Variants in DQX1 observed in about 807,000 individuals in gnomAD.
DQX1 encodes the protein ATP-dependent RNA helicase homolog DQX1.
A neutral mutation model predicts 81.3 loss-of-function variants in DQX1; 66 were observed. The ratio of observed to expected loss-of-function variants is 0.81; its 90% CI spans 0.67 to 1.00. The LOEUF (loss-of-function observed/expected upper bound fraction) is 1.00, where lower values mean the gene tolerates loss of function less well. Among genes scored for constraint, DQX1 ranks in the 50% least tolerant of loss-of-function variants. The pLI is 0.00. For synonymous variants in DQX1, 290 were observed against 350.0 expected (o/e 0.83, Z 1.91); for missense variants, 798 against 867.9 (o/e 0.92, Z 1.01).
In DQX1 at chr2:74,522,900, CT is replaced by C. The variant is rs1316456934; in HGVS notation, c.1258del (p.Arg420AspfsTer20). On this transcript the variant is annotated frameshift_variant, in exon 7 of 12. Coordinates refer to ENST00000404568, the MANE Select transcript of DQX1 (RefSeq NM_133637.3). LOFTEE classifies it high-confidence loss of function. ...LSSLVLLLKR[R>X]QIAEPGECHF... ...ACACTCCCCTGGCTCTGCAATCTGT[CT>C]CCTTTTTAGTAGTAACACCAGGGAG... The C allele has an allele frequency of 6.2e-7, 1 of 1,614,008 alleles. No individual in the cohort carries two copies. Among genetic ancestry groups the C allele is most frequent in the African/African-American group, 1.3e-5 (1 of 74,910 alleles).
At chr2:74,523,667 GT>G in intron 4 of DQX1, 130 bp from the exon 5 acceptor site, 1 of 1,015,758 alleles carries the variant, frequency 9.8e-7, no homozygotes, top group African/African-American at 1.6e-5. Context: ...AAAGTTGAAG[GT>G]TTTATAATTT....
At position 74,525,505 on chromosome 2, in the gene DQX1, G is replaced by C; in HGVS notation, c.225C>G (p.Gly75=). The part of the protein sequence containing the change: ...VVLVSGEPGS[G]KSTQIPQWCA... ...ACCCCCACCACACCTGGGTGCTCTT[G>C]CCAGAACCAGGCTCCCCAGACACCA... The change falls in exon 2 of 12, where the codon GGC becomes GGG. Residue 75 remains glycine (G), a synonymous_variant. Transcript: ENST00000404568. The surrounding 1 kb of genome is among the most constrained non-coding windows in gnomAD (Gnocchi z 4.1). The C allele has an allele frequency of 6.4e-7, 1 of 1,552,168 alleles. No individual in the cohort carries two copies. The highest frequency in any genetic ancestry group is 8.7e-7 in the Non-Finnish European group (1 of 1,147,164).
Position 74,525,799 on chromosome 2 carries a change from C to A in DQX1, c.-19-51G>T, listed in dbSNP as rs1439130481. ...GGTCATATTTGGTGACCGACACCAT[C>A]TTCCCACCTCAGCCCTGATCCTTAA... On this transcript the variant is annotated intron_variant, in intron 1 of 11. Coordinates refer to ENST00000404568, the MANE Select transcript of DQX1 (RefSeq NM_133637.3). This position sits in a 1 kb window ranked among gnomAD's most constrained non-coding sequence, Gnocchi z 4.1. 2.3e-6 allele frequency: 3 copies of A among 1,305,636 alleles called. No homozygotes were observed. Among genetic ancestry groups the A allele is most frequent in the Non-Finnish European group, 3.2e-6 (3 of 941,062 alleles). The allele number at this position is 1,305,636 out of a possible 1,614,324, so 80.9% of individuals were successfully genotyped here. A position where few individuals can be genotyped will look rare whatever the true frequency, so the allele number is the denominator to read the frequency against.
chr2:74,524,903 A>G, intron 3 of DQX1, 106 bp downstream of exon 3: 1 of 1,342,502 alleles, frequency 7.4e-7, no homozygotes, highest in African/African-American at 1.5e-5. Flanking sequence ...AAAATAAAAA[A>G]GAGTGAGTTG....
Position 74,525,443 on chromosome 2 carries a change from TC to T in DQX1, c.237+49del. Reference sequence around the variant, plus strand: ...CTTTCCCTTTGTCCTCCCTTTGTCCTCCCTTTGTCCACTCCCAGAATCTGCC... The same window carrying T: ...CTTTCCCTTTGTCCTCCCTTTGTCCTCCTTTGTCCACTCCCAGAATCTGCC... On this transcript the variant is annotated intron_variant, in intron 2 of 11. Coordinates refer to ENST00000404568, the MANE Select transcript of DQX1 (RefSeq NM_133637.3). This position sits in a 1 kb window ranked among gnomAD's most constrained non-coding sequence, Gnocchi z 4.1. 6.6e-7 allele frequency: 1 copy of T among 1,525,542 alleles called. No individual in the cohort carries two copies. The highest frequency in any genetic ancestry group is 8.9e-7 in the Non-Finnish European group (1 of 1,127,348). The allele number at this position is 1,525,542 out of a possible 1,614,324, so 94.5% of individuals were successfully genotyped here. A position where few individuals can be genotyped will look rare whatever the true frequency, so the allele number is the denominator to read the frequency against.
rs765927076 is a variant in DQX1, at chr2:74,525,293, CT to C, written c.238-92del. Reference sequence around the variant, plus strand: ...GGAACTATGGCCACTTTAATCTTTCCTTATTTGGGGAGTCCCCTGGTCTTTC... The same window carrying C: ...GGAACTATGGCCACTTTAATCTTTCCTATTTGGGGAGTCCCCTGGTCTTTC... On this transcript the variant is annotated intron_variant, in intron 2 of 11. Coordinates refer to ENST00000404568, the MANE Select transcript of DQX1 (RefSeq NM_133637.3). This position sits in a 1 kb window ranked among gnomAD's most constrained non-coding sequence, Gnocchi z 4.1. 1.2e-5 allele frequency: 16 copies of C among 1,391,082 alleles called. No individual in the cohort carries two copies. The highest frequency in any genetic ancestry group is 1.4e-5 in the Non-Finnish European group (15 of 1,042,596). The allele number at this position is 1,391,082 out of a possible 1,614,324, so 86.2% of individuals were successfully genotyped here.
In DQX1 at chr2:74,523,383, T is replaced by C. The variant is rs1490815090; in HGVS notation, c.971A>G (p.His324Arg). The change falls in exon 5 of 12, where the codon CAC (histidine) becomes CGC (arginine). Residue 324 changes from histidine (H) to arginine (R), a missense_variant. Physicochemically the swap from His to Arg is conservative, Grantham distance 29 (BLOSUM62 0). Transcript: ENST00000404568. ...GGAGAAGGAGAAGTCAGCCAGCCAG[T>C]GAGTGACCACAACCTTTCGGGCATC... ...DMDARKVVVT[H>R]WLADFSFSLP... 6.2e-7 allele frequency: 1 copy of C among 1,614,134 alleles called. No homozygotes were observed. The highest frequency in any genetic ancestry group is 2.2e-5 in the East Asian group (1 of 44,880).
In DQX1 at chr2:74,525,571, G is replaced by A. The variant is rs1449296592; in HGVS notation, c.159C>T (p.Thr53=). ...GGTTACTCTCCAACTGCTCCAAGAA[G>A]GTAAAGCGAGCAGCCCAGATGGGCA... ...QALPIWAARF[T]FLEQLESNPT... The change falls in exon 2 of 12, where the codon ACC becomes ACT. Residue 53 remains threonine, a synonymous_variant. Coordinates refer to ENST00000404568, the MANE Select transcript of DQX1 (RefSeq NM_133637.3). The surrounding 1 kb of genome is among the most constrained non-coding windows in gnomAD (Gnocchi z 4.1). The A allele has an allele frequency of 1.3e-6, 2 of 1,552,120 alleles. No individual in the cohort carries two copies. The highest frequency in any genetic ancestry group is 1.7e-6 in the Non-Finnish European group (2 of 1,147,082).
In DQX1 at chr2:74,525,153, C is replaced by G; in HGVS notation, c.287G>C (p.Gly96Ala). Residue 96 changes from glycine (G) to alanine (A), a missense_variant, in exon 3 of 12, where the codon GGA becomes GCA. Transcript: ENST00000404568. The surrounding 1 kb of genome is among the most constrained non-coding windows in gnomAD (Gnocchi z 4.1). ...EFALARGFQK[G>A]QVTVTQPYPL... The stretch of plus-strand genomic sequence containing the variant: ...GTAGGGCTGAGTAACAGTAACCTGT[C>G]CTTTCTGGAACCCTCTGGCCAGCGC... The G allele has an allele frequency of 1.2e-6, 2 of 1,611,650 alleles. No homozygotes were observed. The highest frequency in any genetic ancestry group is 8.5e-7 in the Non-Finnish European group (1 of 1,178,406).
chr2:74,518,461 G>A lies in DQX1; in HGVS notation c.2139C>T (p.Pro713=). 1 of 1,614,218 alleles carries A rather than the reference G, an allele frequency of 6.2e-7. No individual in the cohort carries two copies. The change falls in exon 12 of 12, where the codon CCC becomes CCT. Residue 713 remains proline (P), a synonymous_variant. Coordinates refer to ENST00000404568, the MANE Select transcript of DQX1 (RefSeq NM_133637.3). ...GGCAGGCAGGTCACTGCAGGACACA[G>A]GGATCTCTGAACTCCTGGGCTGAGG... ...KSSSAQEFRD[P]CVLQ
Position 74,523,016 on chromosome 2 carries a change from T to C in DQX1, c.1145-2A>G. Reference sequence around the variant, plus strand: ...TAGGATACAGGCAGAGGCAGGATCCTGAGGGGAAAAAGACCTGGGAAAGAA... The same window carrying C: ...TAGGATACAGGCAGAGGCAGGATCCCGAGGGGAAAAAGACCTGGGAAAGAA... On this transcript the variant is annotated splice_acceptor_variant, in intron 6 of 11. Transcript: ENST00000404568. LOFTEE classifies it high-confidence loss of function. 1.2e-6 allele frequency: 2 copies of C among 1,614,104 alleles called. No homozygotes were observed. Among genetic ancestry groups the C allele is most frequent in the South Asian group, 1.1e-5 (1 of 91,080 alleles).
intron 4 of DQX1, 107 bp from the exon 5 acceptor site, chr2:74,523,644 G>GCAAATTACT: frequency 9.1e-7 from 1 of 1,100,752 alleles, no homozygotes; most frequent in Non-Finnish European, 1.3e-6. Flanking sequence ...CTGAGAAAAT[G>GCAAATTACT]CAAATTACTC....
chr2:74,524,908 G>A, intron 3 of DQX1, 101 bp downstream of exon 3: 1 of 1,357,328 alleles, frequency 7.4e-7, no homozygotes, highest in African/African-American at 1.5e-5. Context: ...AAAAAAGAGT[G>A]AGTTGGGCTA....
Position 74,519,134 on chromosome 2 carries a change from C to A in DQX1, c.1903G>T (p.Ala635Ser). The A allele has an allele frequency of 6.2e-7, 1 of 1,613,510 alleles. No homozygotes were observed. The highest frequency in any genetic ancestry group is 8.5e-7 in the Non-Finnish European group (1 of 1,179,676). Reference protein sequence around the residue: ...SSYCCYRSRRAPARPPPWVLY... With the variant: ...SSYCCYRSRRSPARPPPWVLY... ...ACCCATGGTGGGGGTCTGGCAGGAGCTCTGCGGCTTCGGTAGCAGCAGTAT... is the reference window on the plus strand; with the variant it reads ...ACCCATGGTGGGGGTCTGGCAGGAGATCTGCGGCTTCGGTAGCAGCAGTAT... Residue 635 changes from alanine (A) to serine (S), a missense_variant, in exon 11 of 12, where the codon GCT becomes TCT. Transcript: ENST00000404568.
In DQX1 at chr2:74,518,408, G is replaced by T; in HGVS notation, c.*38C>A. ...GTCACCCTGAGGGATAATCTAATGT[G>T]ATGAGATGAACCCAGCTCCATTCCA... is the stretch of plus-strand genomic sequence containing the variant. On this transcript the variant is annotated 3_prime_UTR_variant, in exon 12 of 12. Transcript: ENST00000404568. 2 of 1,608,578 alleles carry T rather than the reference G, an allele frequency of 1.2e-6. No individual in the cohort carries two copies. Among genetic ancestry groups the T allele is most frequent in the Non-Finnish European group, 1.7e-6 (2 of 1,176,188 alleles).
chr2:74,518,977 C>T, intron 11 of DQX1, 63 bp downstream of exon 11: 9 of 1,436,364 alleles, frequency 6.3e-6, no homozygotes, highest in African/African-American at 1.4e-5. Context: ...TCTAACTCCC[C>T]AGCCATAATT....
intron 3 of DQX1, 151 bp downstream of exon 3, chr2:74,524,857 TG>T (rs1304204288): frequency 9.7e-7 from 1 of 1,031,458 alleles, no homozygotes; most frequent in Non-Finnish European, 1.4e-6. Context: ...CACTCCAGCC[TG>T]GGTGACAGAG....
In DQX1 at chr2:74,518,598, C is replaced by T; in HGVS notation, c.2002G>A (p.Val668Met). The change falls in exon 12 of 12, where the codon GTG (valine) becomes ATG (methionine). Residue 668 changes from valine to methionine, a missense_variant. Physicochemically the swap from Val to Met is conservative, Grantham distance 21. Transcript: ENST00000404568. Reference protein sequence around the residue: ...IVSEIQPQMLVELAPPYFLSN... With the variant: ...IVSEIQPQMLMELAPPYFLSN... Reference sequence around the variant, plus strand: ...AGGAAGTATGGAGGGGCCAATTCCACCAGCCTAATAGAGAGAGTCATAATT... The same window carrying T: ...AGGAAGTATGGAGGGGCCAATTCCATCAGCCTAATAGAGAGAGTCATAATT... 6.2e-7 allele frequency: 1 copy of T among 1,614,046 alleles called. No individual in the cohort carries two copies. Among genetic ancestry groups the T allele is most frequent in the Non-Finnish European group, 8.5e-7 (1 of 1,179,918 alleles).
rs900216832 is a variant in DQX1 at position 74,519,319 on chromosome 2, G to A, written c.1807-89C>T. On this transcript the variant is annotated intron_variant, in intron 10 of 11. Coordinates refer to ENST00000404568, the MANE Select transcript of DQX1 (RefSeq NM_133637.3). ...ATAAAAGGGGATTGAGAAAGAGTAA[G>A]GGTGATGAGAGCATGAAAAGTAAAG... 7 of 1,422,532 alleles carry A rather than the reference G, an allele frequency of 4.9e-6. No homozygotes were observed. The African/African-American group carries it at 5.8e-5, about 12-fold the overall frequency. 88.1% of individuals were successfully genotyped at this position (1,422,532 alleles called of 1,614,324 possible). A position where few individuals can be genotyped will look rare whatever the true frequency, so the allele number is the denominator to read the frequency against.
Sources: allele counts gnomAD v4.1 joint callset, GRCh38; gene constraint gnomAD v4.1.1; non-coding constraint Gnocchi (gnomAD v3.1); transcripts MANE v1.5; gene names NCBI Gene and HGNC (gene_info 2026-07-23, HGNC 2026-07-21).